Variants in ANKRD12 observed in about 807,000 individuals in gnomAD.
ANKRD12 encodes ankyrin repeat domain 12.
Under a neutral mutation model 183.4 loss-of-function variants are expected in ANKRD12, and 85 were observed. The observed-to-expected ratio is 0.46, with a 90% CI of 0.39 to 0.56. The LOEUF (loss-of-function observed/expected upper bound fraction) is 0.56. ANKRD12 is among the 20% of genes least tolerant of loss of function. The probability of loss-of-function intolerance (pLI) is 0.00; values close to 1 mark genes in which losing one functional copy is unlikely to be tolerated. For missense variants in ANKRD12, 2,405 were observed against 2,357.1 expected (o/e 1.02, Z -0.42); for synonymous variants, 914 against 800.2 (o/e 1.14, Z -2.40).
intron 8 of ANKRD12, among the ~76,000 whole-genome samples, chr18:9,251,408 A>G (rs953983130): frequency 1.3e-5 from 2 of 152,226 alleles, no homozygotes; most frequent in African/African-American, 2.4e-5. Flanking sequence ...TTAGTTGCAA[A>G]TATCTGAAGT....
At chr18:9,190,378 AAAGT>A (rs1352804478) in intron 2 of ANKRD12, among the ~76,000 whole-genome samples, 1 of 152,236 alleles carries the variant, frequency 6.6e-6, no homozygotes, top group Non-Finnish European at 1.5e-5. Flanking sequence ...ATGAGCAAAT[AAAGT>A]ATTTCTTGAG....
intron 8 of ANKRD12, among the ~76,000 whole-genome samples, chr18:9,246,438 C>T (rs1478753652): frequency 2.0e-5 from 3 of 152,148 alleles, no homozygotes; most frequent in Non-Finnish European, 4.4e-5. Context: ...CCTCCCTGCA[C>T]CTCTCCTTCC....
intron 11 of ANKRD12, among the ~76,000 whole-genome samples, chr18:9,276,931 A>G (rs934118935): frequency 6.6e-6 from 1 of 152,166 alleles, no homozygotes; most frequent in Admixed American, 6.5e-5. Context: ...AATAACTGCA[A>G]TTAACAGTTT....
At chr18:9,171,563 C>T (rs941400556) in intron 1 of ANKRD12, among the ~76,000 whole-genome samples, 4 of 152,068 alleles carry the variant, frequency 2.6e-5, no homozygotes, top group Admixed American at 6.5e-5. Flanking sequence ...TGGCTGGCAG[C>T]GGAAAGGAAA....
At chr18:9,139,494 C>A (rs1158211021) in intron 1 of ANKRD12, among the ~76,000 whole-genome samples, 1 of 152,108 alleles carries the variant, frequency 6.6e-6, no homozygotes, top group Non-Finnish European at 1.5e-5. Context: ...TTAGCTGACA[C>A]GTAAACTTTT....
chr18:9,167,478 A>T (rs1376185060), intron 1 of ANKRD12, among the ~76,000 whole-genome samples: 1 of 152,186 alleles, frequency 6.6e-6, no homozygotes, highest in Non-Finnish European at 1.5e-5. Flanking sequence ...TCTTTGAAGC[A>T]ATTGTGAATG....
At chr18:9,170,944 G>A (rs1320293733) in intron 1 of ANKRD12, among the ~76,000 whole-genome samples, 1 of 152,140 alleles carries the variant, frequency 6.6e-6, no homozygotes, top group Admixed American at 6.5e-5. Flanking sequence ...TCAGCTGCAG[G>A]TCTGTTGGAG....
rs772877162 is a variant in ANKRD12 at position 9,221,997 on chromosome 18, C to G, written c.941C>G (p.Thr314Arg). ...VPLSDDDESY[T>R]DSEEAQSVNP... ...TTATCTGATGATGATGAAAGTTACA[C>G]AGGTTTGTTTCAGATAATCTACATT... Residue 314 changes from threonine to arginine, a missense_variant and splice_region_variant, in exon 8 of 13, where the codon ACA becomes AGA. This residue lies in a region of ANKRD12 where 1,983 missense variants were observed against 1,725.9 expected (regional missense o/e 1.15). Transcript: ENST00000262126. 6.2e-7 allele frequency: 1 copy of G among 1,613,456 alleles called. No homozygotes were observed. Among genetic ancestry groups the G allele is most frequent in the South Asian group, 1.1e-5 (1 of 91,030 alleles).
At chr18:9,197,301 G>A (rs1200326051) in intron 3 of ANKRD12, among the ~76,000 whole-genome samples, 1 of 152,098 alleles carries the variant, frequency 6.6e-6, no homozygotes, top group African/African-American at 2.4e-5. Flanking sequence ...TCTACCGTTG[G>A]ACTTTAGTTG....
intron 1 of ANKRD12, among the ~76,000 whole-genome samples, chr18:9,174,453 G>T (rs530774352): frequency 6.6e-6 from 1 of 152,220 alleles, no homozygotes. Context: ...CCAAGACTCC[G>T]CACAGCTCTG....
At chr18:9,248,359 A>G (rs79158655) in intron 8 of ANKRD12, among the ~76,000 whole-genome samples, 2,048 of 152,326 alleles carry the variant, frequency 0.013, 56 homozygotes, top group African/African-American at 0.047. Context: ...TTTACATAAC[A>G]ATTTTGCCCA....
chr18:9,215,486 T>C (rs999474910), intron 6 of ANKRD12, among the ~76,000 whole-genome samples: 1 of 152,064 alleles, frequency 6.6e-6, no homozygotes, highest in African/African-American at 2.4e-5. Flanking sequence ...CCAGAACCAA[T>C]TGATTTCGAC....
chr18:9,141,043 T>C (rs1336374299), intron 1 of ANKRD12, among the ~76,000 whole-genome samples: 2 of 152,264 alleles, frequency 1.3e-5, no homozygotes, highest in East Asian at 3.9e-4. Flanking sequence ...TTAAGAGTGT[T>C]GGTTTTCGAA....
chr18:9,194,591 A>T (rs1447073977), intron 2 of ANKRD12, among the ~76,000 whole-genome samples: 1 of 152,102 alleles, frequency 6.6e-6, no homozygotes, highest in Non-Finnish European at 1.5e-5. Flanking sequence ...TCCTGACCTC[A>T]GGTGATACCC....
intron 1 of ANKRD12, among the ~76,000 whole-genome samples, chr18:9,174,600 G>A (rs1598456171): frequency 6.6e-6 from 1 of 152,328 alleles, no homozygotes; most frequent in East Asian, 1.9e-4. Context: ...CTTGGCTGGG[G>A]GTGGGGGTTC....
intron 1 of ANKRD12, among the ~76,000 whole-genome samples, chr18:9,180,713 A>G (rs1022169727): frequency 5.9e-5 from 9 of 152,206 alleles, no homozygotes; most frequent in South Asian, 2.1e-4. Flanking sequence ...TTGGAATCCA[A>G]TTGTGATTTT....
At chr18:9,144,675 T>G (rs2078433830) in intron 1 of ANKRD12, among the ~76,000 whole-genome samples, 1 of 152,196 alleles carries the variant, frequency 6.6e-6, no homozygotes, top group African/African-American at 2.4e-5. Flanking sequence ...TTAACGAGGT[T>G]TATCTTATTC....
intron 8 of ANKRD12, among the ~76,000 whole-genome samples, chr18:9,243,791 ACATT>A (rs1370983119): frequency 1.3e-4 from 20 of 152,258 alleles, no homozygotes; most frequent in African/African-American, 3.9e-4. Context: ...GACAAAACAT[ACATT>A]ATCTTACAAA....
At position 9,256,192 on chromosome 18, in the gene ANKRD12, C is replaced by T. The variant is rs1455992321; in HGVS notation, c.2925C>T (p.Ser975=). 1 of 1,566,864 alleles carries T rather than the reference C, an allele frequency of 6.4e-7. No homozygotes were observed. Among genetic ancestry groups the T allele is most frequent in the African/African-American group, 1.4e-5 (1 of 71,896 alleles). Residue 975 remains serine, a synonymous_variant, in exon 9 of 13, where the codon TCC becomes TCT. Coordinates refer to ENST00000262126, the MANE Select transcript of ANKRD12 (RefSeq NM_015208.5). ...AAGAAAGTATAAATATAACTAACTCCAAACACATACAGGAAGAAAAAAAAT... is the reference window on the plus strand; with the variant it reads ...AAGAAAGTATAAATATAACTAACTCTAAACACATACAGGAAGAAAAAAAAT... The part of the protein sequence containing the change: ...RDKESINITN[S]KHIQEEKKSS...
Sources: gnomAD v4.1 joint callset for allele counts (sites outside exome capture counted in the v4.1 genomes callset) on GRCh38, gnomAD v4.1.1 for gene constraint, gnomAD v4.1.1 regional missense constraint, MANE v1.5 for transcripts, NCBI Gene and HGNC (gene_info 2026-07-23, HGNC 2026-07-21) for gene names.